The following PHACTR3 variants were observed in gnomAD, a reference collection of about 807,000 sequenced individuals.
PHACTR3 encodes protein phosphatase 1, regulatory subunit 123.
PHACTR3 carries 16 observed loss-of-function variants against 66.8 expected under a neutral mutation model. The observed-to-expected ratio is 0.24, with a 90% CI of 0.16 to 0.36. The LOEUF is 0.36. PHACTR3 is among the 10% of genes least tolerant of loss of function. The pLI is 1.00. For missense variants in PHACTR3, 647 were observed against 719.9 expected, an observed-to-expected ratio of 0.90 and a Z score of 1.16; for synonymous variants, 323 against 292.1, an observed-to-expected ratio of 1.11 and a Z score of -1.08.
chr20:59,749,495 A>C (rs1174554190), intron 3 of PHACTR3, among the ~76,000 whole-genome samples: 1 of 152,198 alleles, frequency 6.6e-6, no homozygotes, highest in Non-Finnish European at 1.5e-5. Flanking sequence ...GGCCGCGGCC[A>C]GGCTGACAGT....
intron 11 of PHACTR3, chr20:59,844,572 T>C (rs1307748134): frequency 1.3e-5 from 2 of 152,138 alleles, no homozygotes; most frequent in Non-Finnish European, 2.9e-5. Context: ...TTATGTTAAA[T>C]AAGCCAGGCA....
At chr20:59,719,628 C>G (rs2146673822) in intron 1 of PHACTR3, among the ~76,000 whole-genome samples, 1 of 152,248 alleles carries the variant, frequency 6.6e-6, no homozygotes, top group East Asian at 1.9e-4. Context: ...ACATGCAACC[C>G]CTAGCTTACT....
intron 1 of PHACTR3, among the ~76,000 whole-genome samples, chr20:59,589,338 C>T (rs141178761): frequency 9.5e-4 from 145 of 152,286 alleles, no homozygotes; most frequent in South Asian, 5.4e-3. Flanking sequence ...CTTCAGTGTG[C>T]GCATGGGTTT....
chr20:59,627,520 T>A (rs2034499938), intron 1 of PHACTR3, among the ~76,000 whole-genome samples: 2 of 152,032 alleles, frequency 1.3e-5, no homozygotes, highest in African/African-American at 4.8e-5. Flanking sequence ...ATGAGCAGGA[T>A]GGGGGTTGGG....
chr20:59,838,172 A>G (rs1466782279), intron 9 of PHACTR3, among the ~76,000 whole-genome samples: 1 of 152,066 alleles, frequency 6.6e-6, no homozygotes, highest in East Asian at 1.9e-4. Context: ...TAGTGTCCTG[A>G]GTGGAAGGAC....
intron 3 of PHACTR3, among the ~76,000 whole-genome samples, chr20:59,748,298 A>G (rs6027079): frequency 0.16 from 23,751 of 151,916 alleles, 3,042 homozygotes; most frequent in East Asian, 0.35. Flanking sequence ...GATATTGTGC[A>G]CGCCCTGTCT....
intron 1 of PHACTR3, among the ~76,000 whole-genome samples, chr20:59,590,782 G>A (rs1193237122): frequency 1.3e-5 from 2 of 152,150 alleles, no homozygotes; most frequent in East Asian, 1.9e-4. Flanking sequence ...TTGCTGTCTG[G>A]TGAGTGCCGG....
chr20:59,782,361 C>A (rs1031873676), intron 7 of PHACTR3, among the ~76,000 whole-genome samples: 4 of 152,158 alleles, frequency 2.6e-5, no homozygotes, highest in East Asian at 1.9e-4. Context: ...AAACAATTCT[C>A]CTGCCCCAGC....
chr20:59,775,417 A>G (rs953945333), intron 7 of PHACTR3, among the ~76,000 whole-genome samples: 3 of 152,162 alleles, frequency 2.0e-5, no homozygotes, highest in African/African-American at 7.2e-5. Context: ...AAAGGGCATC[A>G]GATGTCGGTG....
At chr20:59,779,436 G>A (rs2040648817) in intron 7 of PHACTR3, among the ~76,000 whole-genome samples, 1 of 152,168 alleles carries the variant, frequency 6.6e-6, no homozygotes, top group Admixed American at 6.5e-5. Flanking sequence ...GTGAATAATG[G>A]TTGTTATTTG....
In PHACTR3 at chr20:59,714,212, A is replaced by G. The variant is rs532317933; in HGVS notation, c.119-28895A>G. Among the ~76,000 whole-genome samples, 3 of 152,348 alleles carry G rather than the reference A, an allele frequency of 2.0e-5. No individual in the cohort carries two copies. The South Asian group carries it at 6.2e-4, about 32-fold the overall frequency. On this transcript the variant is annotated intron_variant, in intron 1 of 12. Coordinates refer to ENST00000371015, the MANE Select transcript of PHACTR3 (RefSeq NM_080672.5). ...ATATTTTCAGGAAAAGAAATATTTA[A>G]TTTTAATGTAGGTCCATTTAGCAAT...
chr20:59,823,210 C>T (rs1363467073), intron 8 of PHACTR3, among the ~76,000 whole-genome samples: 1 of 152,182 alleles, frequency 6.6e-6, no homozygotes, highest in Non-Finnish European at 1.5e-5. Context: ...ACTCCCACCT[C>T]ATCCATCTGT....
chr20:59,659,133 T>A (rs1404515938), intron 1 of PHACTR3, among the ~76,000 whole-genome samples: 1 of 152,192 alleles, frequency 6.6e-6, no homozygotes, highest in Non-Finnish European at 1.5e-5. Context: ...TAAAAACTGC[T>A]ATCACGATTA....
intron 4 of PHACTR3, among the ~76,000 whole-genome samples, chr20:59,758,181 T>C (rs990876172): frequency 6.6e-6 from 1 of 152,176 alleles, no homozygotes; most frequent in Non-Finnish European, 1.5e-5. Context: ...TTCCCCAGTG[T>C]GGGTCTTGTG....
chr20:59,641,763 A>G (rs1038068102), intron 1 of PHACTR3, among the ~76,000 whole-genome samples: 1 of 152,240 alleles, frequency 6.6e-6, no homozygotes, highest in African/African-American at 2.4e-5. Flanking sequence ...TATATAATAT[A>G]TAATTATCCT....
intron 2 of PHACTR3, 105 bp from the exon 3 acceptor site, chr20:59,747,653 C>T: frequency 7.5e-7 from 1 of 1,325,748 alleles, no homozygotes. Flanking sequence ...CCTGCTAGCT[C>T]AGTGTTTTTG....
intron 1 of PHACTR3, among the ~76,000 whole-genome samples, chr20:59,697,597 A>G (rs545059300): frequency 6.6e-6 from 1 of 152,264 alleles, no homozygotes; most frequent in East Asian, 1.9e-4. Flanking sequence ...TACCCATGAG[A>G]CCAAGGAAAT....
chr20:59,827,617 G>A (rs973318826), intron 8 of PHACTR3, among the ~76,000 whole-genome samples: 77 of 152,132 alleles, frequency 5.1e-4, no homozygotes, highest in African/African-American at 1.8e-3. Flanking sequence ...AGGAGGTGGA[G>A]GACAAGAGAC....
At chr20:59,772,668 C>T (rs1239203260) in intron 5 of PHACTR3, among the ~76,000 whole-genome samples, 1 of 152,114 alleles carries the variant, frequency 6.6e-6, no homozygotes, top group Admixed American at 6.5e-5. Context: ...GCTAGGGAGC[C>T]GAGTGGGGCC....
Sources: gnomAD v4.1 joint callset for allele counts (sites outside exome capture counted in the v4.1 genomes callset) on GRCh38, gnomAD v4.1.1 for gene constraint, MANE v1.5 for transcripts, NCBI Gene and HGNC (gene_info 2026-07-23, HGNC 2026-07-21) for gene names.